ARHGEF28: variants seen among roughly 807,000 people sequenced by gnomAD.
ARHGEF28 encodes the protein Rho guanine nucleotide exchange factor 28, also known as 190 kDa guanine nucleotide exchange factor.
Under a neutral mutation model 206.6 loss-of-function variants are expected in ARHGEF28, and 152 were observed. The ratio of observed to expected loss-of-function variants is 0.74; its 90% CI spans 0.64 to 0.84. The LOEUF is 0.84. Ranked by LOEUF, ARHGEF28 falls within the 40% of genes least tolerant of loss-of-function variation. The pLI, the probability that ARHGEF28 is intolerant of heterozygous loss-of-function variation, is 0.00. For missense variants in ARHGEF28, 2,028 were observed against 2,073.2 expected, an observed-to-expected ratio of 0.98 and a Z score of 0.42; for synonymous variants, 763 against 776.4, an observed-to-expected ratio of 0.98 and a Z score of 0.29.
intron 26 of ARHGEF28, among the ~76,000 whole-genome samples, chr5:73,888,269 G>A (rs1302319337): frequency 6.6e-6 from 1 of 152,218 alleles, no homozygotes; most frequent in Non-Finnish European, 1.5e-5. Flanking sequence ...AGCTTCTAAA[G>A]ACAGTGTATG....
chr5:73,891,522 T>G (rs572393217), intron 26 of ARHGEF28, among the ~76,000 whole-genome samples: 1 of 152,208 alleles, frequency 6.6e-6, no homozygotes, highest in African/African-American at 2.4e-5. Flanking sequence ...AAAGTTCAGT[T>G]TTTAAACAAC....
chr5:73,860,338 G>A (rs1759321170), intron 16 of ARHGEF28, among the ~76,000 whole-genome samples: 1 of 152,118 alleles, frequency 6.6e-6, no homozygotes, highest in South Asian at 2.1e-4. Flanking sequence ...GGCCACTTTG[G>A]AGAATTATGG....
intron 35 of ARHGEF28, chr5:73,911,786 T>TA: frequency 8.9e-6 from 5 of 564,656 alleles, no homozygotes; most frequent in Non-Finnish European, 1.3e-5. Flanking sequence ...ACCATGGTCA[T>TA]AGGGCTTAGA....
At chr5:73,675,860 A>G (rs1386176498) in intron 1 of ARHGEF28, among the ~76,000 whole-genome samples, 2 of 99,948 alleles carry the variant, frequency 2.0e-5, no homozygotes, top group East Asian at 4.2e-4. Flanking sequence ...TTTTCTAACT[A>G]TGTAGTCTTA....
intron 33 of ARHGEF28, 117 bp downstream of exon 33, chr5:73,904,522 GA>G (rs1762446801): frequency 9.7e-6 from 11 of 1,133,860 alleles, no homozygotes; most frequent in Non-Finnish European, 1.2e-5. Context: ...GATCTTAAAA[GA>G]ATGACAACCT....
At chr5:73,853,747 C>T (rs1347017147) in intron 14 of ARHGEF28, among the ~76,000 whole-genome samples, 1 of 152,166 alleles carries the variant, frequency 6.6e-6, no homozygotes, top group African/African-American at 2.4e-5. Context: ...CATTTATTAT[C>T]TCATTTAAGC....
chr5:73,791,643 G>A (rs1334498206), intron 7 of ARHGEF28, among the ~76,000 whole-genome samples: 1 of 110,380 alleles, frequency 9.1e-6, no homozygotes, highest in Non-Finnish European at 1.9e-5. Flanking sequence ...CATGTGCATA[G>A]AGGTGAGTTT....
At chr5:73,865,549 G>A (rs1219915788) in intron 17 of ARHGEF28, among the ~76,000 whole-genome samples, 1 of 152,174 alleles carries the variant, frequency 6.6e-6, no homozygotes, top group African/African-American at 2.4e-5. Context: ...TCACAGAGTT[G>A]AGGGCTGTTT....
At chr5:73,760,541 A>C (rs1752548691) in intron 4 of ARHGEF28, among the ~76,000 whole-genome samples, 1 of 152,220 alleles carries the variant, frequency 6.6e-6, no homozygotes, top group Admixed American at 6.5e-5. Context: ...CCACTGGATG[A>C]ACACTAGGGG....
intron 21 of ARHGEF28, among the ~76,000 whole-genome samples, chr5:73,870,920 T>C (rs1323572689): frequency 1.3e-5 from 2 of 152,208 alleles, no homozygotes; most frequent in Non-Finnish European, 2.9e-5. Context: ...ACTAATCCTG[T>C]GTATGCAAAC....
chr5:73,718,092 G>A (rs986499370), intron 2 of ARHGEF28, among the ~76,000 whole-genome samples: 28 of 152,188 alleles, frequency 1.8e-4, no homozygotes, highest in Admixed American at 1.1e-3. Flanking sequence ...GGCTGGTCTC[G>A]AATTCCTGAC....
intron 20 of ARHGEF28, among the ~76,000 whole-genome samples, chr5:73,869,251 A>G (rs892963556): frequency 2.7e-5 from 4 of 149,244 alleles, no homozygotes; most frequent in African/African-American, 1.0e-4. Context: ...GCATGTATGT[A>G]TGTGTGGTTT....
chr5:73,659,167 A>G (rs1180185998), intron 1 of ARHGEF28, among the ~76,000 whole-genome samples: 1 of 152,202 alleles, frequency 6.6e-6, no homozygotes, highest in Non-Finnish European at 1.5e-5. Flanking sequence ...TTTTAAACTC[A>G]TTACTACTCA....
At chr5:73,908,913 T>C (rs1239376961) in intron 33 of ARHGEF28, 1 of 152,472 alleles carries the variant, frequency 6.6e-6, no homozygotes, top group African/African-American at 2.4e-5. Flanking sequence ...TTGTTTTTTA[T>C]TTTTATGTCT....
Position 73,771,229 on chromosome 5 carries a change from G to C in ARHGEF28, c.476-2626G>C, listed in dbSNP as rs1340167402. Among the ~76,000 whole-genome samples, 4 of 152,174 alleles carry C rather than the reference G, an allele frequency of 2.6e-5. No homozygotes were observed. The East Asian group carries it at 7.7e-4, about 29-fold the overall frequency. On this transcript the variant is annotated intron_variant, in intron 4 of 35. Coordinates refer to ENST00000513042, the MANE Select transcript of ARHGEF28 (RefSeq NM_001177693.2). ...TATGGAATATTTCTCACTATATTCAGATTAGGAGATATGTCTTAGAAATTC... is the reference window on the plus strand; with the variant it reads ...TATGGAATATTTCTCACTATATTCACATTAGGAGATATGTCTTAGAAATTC...
chr5:73,747,876 G>C (rs1032852133), intron 2 of ARHGEF28, among the ~76,000 whole-genome samples: 1 of 152,082 alleles, frequency 6.6e-6, no homozygotes, highest in Non-Finnish European at 1.5e-5. Context: ...GTATTGTGTT[G>C]GAAAGGGTTG....
intron 9 of ARHGEF28, among the ~76,000 whole-genome samples, chr5:73,800,393 A>C (rs11745557): frequency 0.059 from 8,983 of 151,978 alleles, 361 homozygotes; most frequent in Non-Finnish European, 0.089. Flanking sequence ...TTCCCTCCAA[A>C]CCCCCTTTTT....
chr5:73,670,892 A>G (rs1746262062), intron 1 of ARHGEF28, among the ~76,000 whole-genome samples: 1 of 151,874 alleles, frequency 6.6e-6, no homozygotes, highest in African/African-American at 2.4e-5. Context: ...GTTTGCAAAT[A>G]TTTTCTCCCA....
chr5:73,826,106 A>T (rs796346260), intron 9 of ARHGEF28, among the ~76,000 whole-genome samples: 3 of 152,274 alleles, frequency 2.0e-5, no homozygotes, highest in African/African-American at 7.2e-5. Flanking sequence ...GCAAGGTGGG[A>T]GGAGAACCTA....
Sources: allele counts gnomAD v4.1 joint callset (sites outside exome capture counted in the v4.1 genomes callset), GRCh38; gene constraint gnomAD v4.1.1; transcripts MANE v1.5; gene names NCBI Gene and HGNC (gene_info 2026-07-23, HGNC 2026-07-21).